MARCHF3: variants seen among roughly 807,000 people sequenced by gnomAD.
MARCHF3 encodes E3 ubiquitin-protein ligase MARCHF3.
In MARCHF3, 13 loss-of-function variants were observed where a neutral mutation model predicts 24.2. That is an observed-to-expected ratio of 0.54 (90% CI 0.35 to 0.85). The LOEUF is 0.85. Ranked by LOEUF, MARCHF3 falls within the 40% of genes least tolerant of loss-of-function variation. The pLI, the probability that MARCHF3 is intolerant of heterozygous loss-of-function variation, is 0.01. For synonymous variants in MARCHF3, 144 were observed against 137.3 expected (o/e 1.05, Z -0.34); for missense variants, 276 against 325.0 (o/e 0.85, Z 1.16).
chr5:127,012,761 G>A (rs1471557922), intron 1 of MARCHF3, among the ~76,000 whole-genome samples: 2 of 152,202 alleles, frequency 1.3e-5, no homozygotes, highest in African/African-American at 4.8e-5. Flanking sequence ...GATTTACTAG[G>A]CAAAGTAAAA....
At chr5:126,973,262 C>A (rs762782667) in intron 1 of MARCHF3, among the ~76,000 whole-genome samples, 2 of 152,248 alleles carry the variant, frequency 1.3e-5, no homozygotes, top group Admixed American at 1.3e-4. Context: ...CATTTCACAA[C>A]CTGACCTGCA....
At chr5:126,932,883 G>C (rs929207448) in intron 1 of MARCHF3, among the ~76,000 whole-genome samples, 6 of 152,082 alleles carry the variant, frequency 3.9e-5, no homozygotes, top group African/African-American at 1.4e-4. Context: ...GGAATGAATG[G>C]TCCTATTTTT....
chr5:126,962,247 T>C (rs1219203450), intron 1 of MARCHF3, among the ~76,000 whole-genome samples: 1 of 152,044 alleles, frequency 6.6e-6, no homozygotes, highest in Non-Finnish European at 1.5e-5. Context: ...TCTCTCTATA[T>C]ATATATATCT....
chr5:126,874,660 TG>T (rs1753086783), intron 4 of MARCHF3, among the ~76,000 whole-genome samples: 3 of 151,958 alleles, frequency 2.0e-5, no homozygotes, highest in Admixed American at 2.0e-4. Flanking sequence ...CCTTTCTCTC[TG>T]GAAGTGGTGT....
At chr5:126,963,497 A>G (rs1750711128) in intron 1 of MARCHF3, among the ~76,000 whole-genome samples, 1 of 152,206 alleles carries the variant, frequency 6.6e-6, no homozygotes, top group Non-Finnish European at 1.5e-5. Context: ...TACATTTAAG[A>G]AGAAAATTTA....
At position 126,869,193 on chromosome 5, in the gene MARCHF3, T is replaced by C. The variant is rs1752875528; in HGVS notation, c.*1440A>G. 1 of 152,190 alleles carries C rather than the reference T, an allele frequency of 6.6e-6. No homozygotes were observed. The highest frequency in any genetic ancestry group is 2.4e-5 in the African/African-American group (1 of 41,428). The allele number at this position is 152,190 out of a possible 1,614,324, so 9.4% of individuals were successfully genotyped here. Reference sequence around the variant, plus strand: ...CTGCCTGTTCCTTTGCACTTCTCGTTTTCCCACTTGGAACACAAGGCAGAT... The same window carrying C: ...CTGCCTGTTCCTTTGCACTTCTCGTCTTCCCACTTGGAACACAAGGCAGAT... On this transcript the variant is annotated 3_prime_UTR_variant, in exon 5 of 5. Coordinates refer to ENST00000308660, the MANE Select transcript of MARCHF3 (RefSeq NM_178450.5).
intron 4 of MARCHF3, among the ~76,000 whole-genome samples, chr5:126,871,483 A>G (rs960858538): frequency 6.6e-6 from 1 of 152,146 alleles, no homozygotes; most frequent in African/African-American, 2.4e-5. Context: ...AAGCTTACCC[A>G]CATGGCACTG....
intron 4 of MARCHF3, among the ~76,000 whole-genome samples, chr5:126,875,684 G>A (rs1411308326): frequency 6.6e-6 from 1 of 152,190 alleles, no homozygotes; most frequent in Non-Finnish European, 1.5e-5. Context: ...GTCAAAGGGG[G>A]AGAGATGCCT....
At chr5:126,877,630 A>T (rs1256580916) in intron 4 of MARCHF3, among the ~76,000 whole-genome samples, 1 of 152,246 alleles carries the variant, frequency 6.6e-6, no homozygotes, top group Non-Finnish European at 1.5e-5. Flanking sequence ...TCAGCTAGAT[A>T]AATTAGTGCT....
At chr5:126,898,560 A>G (rs541728615) in intron 3 of MARCHF3, among the ~76,000 whole-genome samples, 68 of 152,216 alleles carry the variant, frequency 4.5e-4, no homozygotes, top group Non-Finnish European at 5.9e-5. Context: ...CAGCTACATA[A>G]TGCAAAGAGC....
chr5:126,981,551 G>T (rs1461585837), intron 1 of MARCHF3, among the ~76,000 whole-genome samples: 1 of 152,224 alleles, frequency 6.6e-6, no homozygotes, highest in Admixed American at 6.5e-5. Context: ...ATACATTAGA[G>T]AAATGGTTGT....
At chr5:126,881,253 G>C (rs1257029105) in intron 3 of MARCHF3, among the ~76,000 whole-genome samples, 1 of 152,064 alleles carries the variant, frequency 6.6e-6, no homozygotes, top group Non-Finnish European at 1.5e-5. Context: ...GTTGTACTTA[G>C]GTATGGAGTA....
At chr5:126,911,853 T>C (rs751763359) in intron 3 of MARCHF3, among the ~76,000 whole-genome samples, 3 of 152,220 alleles carry the variant, frequency 2.0e-5, no homozygotes, top group Non-Finnish European at 4.4e-5. Flanking sequence ...TGAGGTCTAA[T>C]TGTACGCCAT....
At chr5:127,004,378 A>G (rs1752238346) in intron 1 of MARCHF3, among the ~76,000 whole-genome samples, 1 of 152,160 alleles carries the variant, frequency 6.6e-6, no homozygotes, top group Non-Finnish European at 1.5e-5. Context: ...ATACTTGTAG[A>G]AAAAAACTCC....
chr5:126,918,229 T>G lies in MARCHF3; in HGVS notation c.-56-2A>C. The G allele has an allele frequency of 6.6e-7, 1 of 1,523,600 alleles. No individual in the cohort carries two copies. Among genetic ancestry groups the G allele is most frequent in the South Asian group, 1.3e-5 (1 of 77,910 alleles). 94.4% of individuals were successfully genotyped at this position (1,523,600 alleles called of 1,614,324 possible). ...TCCACATTCATACAGGATTTCCATC[T>G]AAGAGAGATCAGAAAACAGTTTACT... is the stretch of plus-strand genomic sequence containing the variant. On this transcript the variant is annotated splice_acceptor_variant, in intron 1 of 4. Coordinates refer to ENST00000308660, the MANE Select transcript of MARCHF3 (RefSeq NM_178450.5). LOFTEE classifies it low-confidence loss of function (5UTR_SPLICE).
intron 1 of MARCHF3, among the ~76,000 whole-genome samples, chr5:126,988,183 T>C (rs906890031): frequency 1.3e-5 from 2 of 152,092 alleles, no homozygotes; most frequent in Non-Finnish European, 2.9e-5. Context: ...CATAAACTCC[T>C]GACTAAAATC....
chr5:126,925,902 A>C (rs1379118552), intron 1 of MARCHF3, among the ~76,000 whole-genome samples: 1 of 152,240 alleles, frequency 6.6e-6, no homozygotes. Context: ...TCCAGCATGC[A>C]TAAGGAAAGG....
intron 1 of MARCHF3, among the ~76,000 whole-genome samples, chr5:126,987,802 A>G (rs1751616490): frequency 6.6e-6 from 1 of 152,110 alleles, no homozygotes; most frequent in African/African-American, 2.4e-5. Context: ...TGCCTAAGGG[A>G]CACTGTGGGT....
intron 1 of MARCHF3, among the ~76,000 whole-genome samples, chr5:126,943,491 G>C (rs998940799): frequency 6.7e-6 from 1 of 149,302 alleles, no homozygotes; most frequent in Non-Finnish European, 1.5e-5. Context: ...GCTGAGGTGG[G>C]AGGATCACTT....
Sources: gnomAD v4.1 joint callset for allele counts (sites outside exome capture counted in the v4.1 genomes callset) on GRCh38, gnomAD v4.1.1 for gene constraint, MANE v1.5 for transcripts, NCBI Gene and HGNC (gene_info 2026-07-23, HGNC 2026-07-21) for gene names.